The following CNTNAP2 variants were observed in gnomAD, a reference collection of about 807,000 sequenced individuals.
The protein encoded by CNTNAP2 is contactin associated protein 2.
CNTNAP2 carries 98 observed loss-of-function variants against 155.2 expected under a neutral mutation model. That is an observed-to-expected ratio of 0.63 (90% CI 0.54 to 0.75). The LOEUF (loss-of-function observed/expected upper bound fraction) is 0.75. Among genes scored for constraint, CNTNAP2 ranks in the 30% least tolerant of loss-of-function variants. CNTNAP2 has a pLI of 0.00. For synonymous variants in CNTNAP2, 651 were observed against 631.2 expected, an observed-to-expected ratio of 1.03 and a Z score of -0.47; for missense variants, 1,727 against 1,688.1, an observed-to-expected ratio of 1.02 and a Z score of -0.40.
chr7:146,213,576 T>G (rs74745083), intron 1 of CNTNAP2, among the ~76,000 whole-genome samples: 4,098 of 152,258 alleles, frequency 0.027, 89 homozygotes, highest in Non-Finnish European at 0.042. Flanking sequence ...ATGCTGGAAA[T>G]TAAATAATAT....
intron 4 of CNTNAP2, among the ~76,000 whole-genome samples, chr7:147,067,257 C>T (rs936579553): frequency 7.0e-6 from 1 of 142,590 alleles, no homozygotes; most frequent in Non-Finnish European, 1.5e-5. Context: ...CGCCAATGCA[C>T]TCCAGCCTGG....
chr7:146,457,467 T>A (rs1452850557), intron 1 of CNTNAP2, among the ~76,000 whole-genome samples: 1 of 101,380 alleles, frequency 9.9e-6, no homozygotes. Context: ...GATTCATTTA[T>A]AGCTTCAAAA....
intron 1 of CNTNAP2, among the ~76,000 whole-genome samples, chr7:146,328,007 C>T (rs1373697187): frequency 6.6e-6 from 1 of 152,166 alleles, no homozygotes; most frequent in Non-Finnish European, 1.5e-5. Context: ...TCTGTGTCTT[C>T]AAAAGGCGGC....
chr7:146,997,525 G>T (rs1308028558), intron 3 of CNTNAP2, among the ~76,000 whole-genome samples: 2 of 152,054 alleles, frequency 1.3e-5, no homozygotes, highest in African/African-American at 4.8e-5. Context: ...TTGGCCAGTA[G>T]TTTGTGTTCA....
chr7:148,071,759 T>A (rs1348016083), intron 15 of CNTNAP2, among the ~76,000 whole-genome samples: 4 of 152,246 alleles, frequency 2.6e-5, no homozygotes, highest in African/African-American at 9.6e-5. Context: ...AAAACTCCTC[T>A]GCAATCTCTA....
At chr7:146,260,341 T>A (rs1018963963) in intron 1 of CNTNAP2, among the ~76,000 whole-genome samples, 1 of 152,156 alleles carries the variant, frequency 6.6e-6, no homozygotes, top group African/African-American at 2.4e-5. Context: ...CACTGCCTAG[T>A]GGAGCTGTGA....
chr7:146,366,148 T>A (rs1255828322), intron 1 of CNTNAP2, among the ~76,000 whole-genome samples: 2 of 152,304 alleles, frequency 1.3e-5, no homozygotes, highest in East Asian at 3.9e-4. Context: ...ATACTGATGG[T>A]GATTTTTGTG....
chr7:148,380,833 T>G (rs1451813560), intron 21 of CNTNAP2, among the ~76,000 whole-genome samples: 1 of 152,172 alleles, frequency 6.6e-6, no homozygotes, highest in Non-Finnish European at 1.5e-5. Flanking sequence ...TGCTCTAATA[T>G]TGAAGCAGGA....
At chr7:146,439,005 C>T (rs1226991483) in intron 1 of CNTNAP2, among the ~76,000 whole-genome samples, 2 of 151,374 alleles carry the variant, frequency 1.3e-5, no homozygotes, top group African/African-American at 2.5e-5. Flanking sequence ...GTTAGCTTTA[C>T]ATTGCATTTT....
intron 3 of CNTNAP2, among the ~76,000 whole-genome samples, chr7:147,043,251 G>A (rs1385641353): frequency 2.6e-5 from 4 of 151,034 alleles, no homozygotes; most frequent in Non-Finnish European, 4.4e-5. Flanking sequence ...TTTGTTCTCC[G>A]CTGAGAGGAA....
In CNTNAP2 at chr7:147,720,609, T is replaced by A. The variant is rs373961676; in HGVS notation, c.2098+81303T>A. On this transcript the variant is annotated intron_variant, in intron 13 of 23. Coordinates refer to ENST00000361727, the MANE Select transcript of CNTNAP2 (RefSeq NM_014141.6). ...AGACCAGGTGGAGGTAATTGAATCA[T>A]GGGGACAGTTTCCCCCATGCTGTTC... Among the ~76,000 whole-genome samples, 11 of 152,204 alleles carry A rather than the reference T, an allele frequency of 7.2e-5. 2 individuals are homozygous for A. Among genetic ancestry groups the A allele is most frequent in the African/African-American group, 2.4e-4 (10 of 41,560 alleles).
chr7:146,655,651 AAAAT>A (rs1210502257), intron 1 of CNTNAP2, among the ~76,000 whole-genome samples: 1 of 152,072 alleles, frequency 6.6e-6, no homozygotes, highest in Non-Finnish European at 1.5e-5. Context: ...TTACCTTTTT[AAAAT>A]AAATTGAACA....
At chr7:146,936,783 T>C (rs186579266) in intron 3 of CNTNAP2, among the ~76,000 whole-genome samples, 1 of 152,178 alleles carries the variant, frequency 6.6e-6, no homozygotes, top group East Asian at 1.9e-4. Context: ...CTGTAACCAA[T>C]CCAGTTGTTT....
At chr7:148,228,042 A>G (rs192880016) in intron 19 of CNTNAP2, among the ~76,000 whole-genome samples, 37 of 151,858 alleles carry the variant, frequency 2.4e-4, no homozygotes, top group African/African-American at 8.5e-4. Flanking sequence ...TCTATGTTTT[A>G]ATTAGCATGT....
chr7:148,294,972 A>T (rs1192013311), intron 21 of CNTNAP2, among the ~76,000 whole-genome samples: 2 of 152,210 alleles, frequency 1.3e-5, no homozygotes, highest in Non-Finnish European at 2.9e-5. Flanking sequence ...AAAGATTATT[A>T]ACTAATTAAC....
chr7:146,232,943 AC>A (rs964888591), intron 1 of CNTNAP2, among the ~76,000 whole-genome samples: 6 of 152,176 alleles, frequency 3.9e-5, no homozygotes, highest in African/African-American at 1.4e-4. Flanking sequence ...AGGTAGAGAG[AC>A]AAAAACCCAT....
intron 9 of CNTNAP2, among the ~76,000 whole-genome samples, chr7:147,326,571 T>C (rs2692132): frequency 0.41 from 62,419 of 152,084 alleles, 14,676 homozygotes; most frequent in African/African-American, 0.65. Flanking sequence ...CTGGATTACA[T>C]GTTAATTCTA....
At chr7:147,422,584 T>A (rs1797313837) in intron 10 of CNTNAP2, among the ~76,000 whole-genome samples, 1 of 152,250 alleles carries the variant, frequency 6.6e-6, no homozygotes, top group Non-Finnish European at 1.5e-5. Context: ...ATGCAATGTC[T>A]TCAATTAAGT....
At chr7:148,413,208 A>G (rs760460100) in intron 23 of CNTNAP2, among the ~76,000 whole-genome samples, 1 of 151,184 alleles carries the variant, frequency 6.6e-6, no homozygotes, top group Non-Finnish European at 1.5e-5. Flanking sequence ...CCTAGCCAAC[A>G]CAGTGAAACC....
Sources: gnomAD v4.1 joint callset for allele counts (sites outside exome capture counted in the v4.1 genomes callset) on GRCh38, gnomAD v4.1.1 for gene constraint, MANE v1.5 for transcripts, NCBI Gene and HGNC (gene_info 2026-07-23, HGNC 2026-07-21) for gene names.